The following TRMT1L variants were observed in gnomAD, a reference collection of about 807,000 sequenced individuals.
TRMT1L encodes the protein tRNA (guanine(27)-N(2))-dimethyltransferase.
A neutral mutation model predicts 81.6 loss-of-function variants in TRMT1L; 28 were observed. The observed-to-expected ratio is 0.34, with a 90% CI of 0.25 to 0.47. TRMT1L has a LOEUF of 0.47. Among genes scored for constraint, TRMT1L ranks in the 20% least tolerant of loss-of-function variants. The pLI is 1.00. For synonymous variants in TRMT1L, 301 were observed against 303.2 expected, an observed-to-expected ratio of 0.99 and a Z score of 0.07; for missense variants, 739 against 877.1, an observed-to-expected ratio of 0.84 and a Z score of 1.99.
At chr1:185,142,537 T>G (rs1436889116) in intron 7 of TRMT1L, among the ~76,000 whole-genome samples, 1 of 152,014 alleles carries the variant, frequency 6.6e-6, no homozygotes, top group East Asian at 1.9e-4. Flanking sequence ...TCTCAATGTT[T>G]AAAATTTCAC....
chr1:185,152,700 A>C (rs1484800062), intron 1 of TRMT1L, among the ~76,000 whole-genome samples: 1 of 152,244 alleles, frequency 6.6e-6, no homozygotes, highest in Admixed American at 6.5e-5. Context: ...TATGAGAAGT[A>C]AAGGTGAAGG....
chr1:185,132,771 G>A (rs1652805800), intron 10 of TRMT1L, among the ~76,000 whole-genome samples: 1 of 152,048 alleles, frequency 6.6e-6, no homozygotes, highest in African/African-American at 2.4e-5. Context: ...ACATTTTGAG[G>A]AAAAAATGAT....
chr1:185,150,265 C>T, intron 3 of TRMT1L, 114 bp downstream of exon 3: 1 of 696,976 alleles, frequency 1.4e-6, no homozygotes. Flanking sequence ...GGCATTAAAC[C>T]CCTCACATTT....
chr1:185,157,025 G>C (rs1653634266), upstream of TRMT1L: 1 of 355,652 alleles, frequency 2.8e-6, no homozygotes, highest in Non-Finnish European at 5.2e-6. Context: ...CGGTTTCTAC[G>C]GTGCGTCTCC....
At chr1:185,153,790 G>C (rs1653424314) in intron 1 of TRMT1L, among the ~76,000 whole-genome samples, 1 of 152,150 alleles carries the variant, frequency 6.6e-6, no homozygotes, top group African/African-American at 2.4e-5. Context: ...CAAGGAGACA[G>C]GAGATGGTGG....
intron 3 of TRMT1L, among the ~76,000 whole-genome samples, chr1:185,148,000 T>C (rs924166670): frequency 1.3e-5 from 2 of 152,200 alleles, no homozygotes; most frequent in Admixed American, 6.5e-5. Flanking sequence ...TTACAGTTGC[T>C]CTTAACTCAA....
chr1:185,120,738 T>A (rs1652479255), intron 13 of TRMT1L: 1 of 305,028 alleles, frequency 3.3e-6, no homozygotes, highest in African/African-American at 2.2e-5. Flanking sequence ...CAAGCCACAC[T>A]CTATTTCGTC....
At position 185,137,705 on chromosome 1, in the gene TRMT1L, G is replaced by A. The variant is rs766384504; in HGVS notation, c.1414C>T (p.Pro472Ser). The A allele has an allele frequency of 1.2e-6, 2 of 1,613,888 alleles. No homozygotes were observed. The highest frequency in any genetic ancestry group is 1.7e-6 in the Non-Finnish European group (2 of 1,180,014). ...TTGGCTGTTTCATCTGCTGAAGTAGGTCCCCTCAAAACTCTCACAACTACC... is the reference window on the plus strand; with the variant it reads ...TTGGCTGTTTCATCTGCTGAAGTAGATCCCCTCAAAACTCTCACAACTACC... Reference protein sequence around the residue: ...VLVVVRVLRGPTSADETAKKI... With the variant: ...VLVVVRVLRGSTSADETAKKI... The change falls in exon 10 of 15, where the codon CCT (proline) becomes TCT (serine). Residue 472 changes from proline (P) to serine (S), a missense_variant. Transcript: ENST00000367506.
At chr1:185,139,329 A>C in intron 9 of TRMT1L, 38 bp downstream of exon 9, 1 of 1,532,950 alleles carries the variant, frequency 6.5e-7, no homozygotes, top group South Asian at 1.1e-5. Flanking sequence ...TTTATCAAAT[A>C]CTGAAACACA....
At position 185,143,517 on chromosome 1, in the gene TRMT1L, G is replaced by T. The variant is rs74134421; in HGVS notation, c.780-81C>A. Reference sequence around the variant, plus strand: ...TTATTTCATTTAAGAATAGTGAACTGAAGTTCCTAGTTACTGTACAAACTA... The same window carrying T: ...TTATTTCATTTAAGAATAGTGAACTTAAGTTCCTAGTTACTGTACAAACTA... On this transcript the variant is annotated intron_variant, in intron 6 of 14. Transcript: ENST00000367506. 1.8e-3 allele frequency: 2,317 copies of T among 1,257,346 alleles called. 35 individuals carry two copies. In the African/African-American group the frequency reaches 0.03, roughly 17 times the overall value. The allele number at this position is 1,257,346 out of a possible 1,614,324, so 77.9% of individuals were successfully genotyped here.
chr1:185,121,063 G>A (rs907419199), intron 13 of TRMT1L, among the ~76,000 whole-genome samples: 1 of 152,138 alleles, frequency 6.6e-6, no homozygotes, highest in Admixed American at 6.5e-5. Context: ...TAAGGTCAAT[G>A]TTATGATCTC....
intron 4 of TRMT1L, 50 bp downstream of exon 4, chr1:185,147,128 GCTTT>G (rs1653208067): frequency 7.8e-7 from 1 of 1,284,326 alleles, no homozygotes; most frequent in Non-Finnish European, 1.1e-6. Context: ...TAAAAATTAT[GCTTT>G]CTTTAAAAAG....
intron 3 of TRMT1L, among the ~76,000 whole-genome samples, chr1:185,149,248 T>C (rs1055230958): frequency 1.3e-5 from 2 of 152,058 alleles, no homozygotes; most frequent in Non-Finnish European, 2.9e-5. Context: ...ACTAAGTAAA[T>C]ATTGCAATGA....
intron 13 of TRMT1L, among the ~76,000 whole-genome samples, chr1:185,123,468 T>A (rs1298722782): frequency 6.6e-6 from 1 of 152,164 alleles, no homozygotes; most frequent in African/African-American, 2.4e-5. Context: ...GGCTGAAGAA[T>A]GAGGTCTTCT....
At position 185,137,244 on chromosome 1, in the gene TRMT1L, C is replaced by T. The variant is rs1049391831; in HGVS notation, c.1513+362G>A. ...ATTGAATGCATTTTATAACTGATGG[C>T]TTTTATACACAGCCAGAAACATGAA... On this transcript the variant is annotated intron_variant, in intron 10 of 14. Transcript: ENST00000367506. Among the ~76,000 whole-genome samples the T allele has an allele frequency of 2.0e-5, 3 of 152,162 alleles. No individual in the cohort carries two copies. In the East Asian group the frequency reaches 5.8e-4, roughly 29 times the overall value.
intron 10 of TRMT1L, among the ~76,000 whole-genome samples, chr1:185,134,505 T>C (rs1372453675): frequency 6.6e-6 from 1 of 152,252 alleles, no homozygotes; most frequent in Non-Finnish European, 1.5e-5. Context: ...TTTTAAACTA[T>C]GTATTACAAA....
At chr1:185,151,781 T>C (rs1358465172) in intron 2 of TRMT1L, 44 bp downstream of exon 2, 3 of 1,290,980 alleles carry the variant, frequency 2.3e-6, no homozygotes, top group Non-Finnish European at 3.2e-6. Context: ...AGATGATAAA[T>C]TATTAGAAAC....
At chr1:185,129,280 C>A (rs998832901) in intron 10 of TRMT1L, among the ~76,000 whole-genome samples, 1 of 152,164 alleles carries the variant, frequency 6.6e-6, no homozygotes, top group African/African-American at 2.4e-5. Context: ...ACATCCCAAT[C>A]AAAATGTAGA....
intron 13 of TRMT1L, 134 bp downstream of exon 13, chr1:185,123,723 A>G (rs1207181425): frequency 1.2e-5 from 7 of 581,136 alleles, no homozygotes; most frequent in Non-Finnish European, 1.8e-5. Flanking sequence ...AAGTTTTACT[A>G]CAGTTTTGTT....
Sources: allele counts gnomAD v4.1 joint callset (sites outside exome capture counted in the v4.1 genomes callset), GRCh38; gene constraint gnomAD v4.1.1; transcripts MANE v1.5; gene names NCBI Gene and HGNC (gene_info 2026-07-23, HGNC 2026-07-21).